The following FHOD3 variants were observed in gnomAD, a reference collection of about 807,000 sequenced individuals.
FHOD3 encodes formin homology 2 domain containing 3.
Under a neutral mutation model 173.0 loss-of-function variants are expected in FHOD3, and 90 were observed. The observed-to-expected ratio is 0.52, with a 90% CI of 0.44 to 0.62. The LOEUF (loss-of-function observed/expected upper bound fraction) is 0.62. Among genes scored for constraint, FHOD3 ranks in the 20% least tolerant of loss-of-function variants. The probability of loss-of-function intolerance (pLI) is 0.00; values close to 1 mark genes in which losing one functional copy is unlikely to be tolerated. For synonymous variants in FHOD3, 828 were observed against 823.0 expected (o/e 1.01, Z -0.10); for missense variants, 1,945 against 2,034.7 (o/e 0.96, Z 0.85).
chr18:36,776,749 AG>A (rs2043685753), intron 28 of FHOD3, among the ~76,000 whole-genome samples: 1 of 152,160 alleles, frequency 6.6e-6, no homozygotes, highest in Admixed American at 6.5e-5. Context: ...CAGAGGGTGA[AG>A]CAGCATCCCA....
intron 3 of FHOD3, among the ~76,000 whole-genome samples, chr18:36,486,823 C>T (rs142055155): frequency 0.019 from 2,860 of 152,322 alleles, 37 homozygotes; most frequent in Middle Eastern, 0.051. Flanking sequence ...CCGCTATTCC[C>T]AATCCAGGCA....
intron 5 of FHOD3, 86 bp from the exon 6 acceptor site, chr18:36,576,365 T>A: frequency 1.1e-6 from 1 of 908,408 alleles, no homozygotes; most frequent in East Asian, 2.8e-5. Flanking sequence ...ACTTAAAGTA[T>A]GAAAATCTTG....
intron 5 of FHOD3, among the ~76,000 whole-genome samples, chr18:36,546,024 A>G (rs2172946): frequency 0.77 from 116,806 of 152,214 alleles, 44,956 homozygotes; most frequent in Admixed American, 0.79. Flanking sequence ...AACAACCAGT[A>G]TGAAATCCTT....
In FHOD3 at chr18:36,717,856, ATGCAGG is replaced by A. The variant is rs573447742; in HGVS notation, c.2561_2566del (p.Ala854_Gly855del). 8.8e-4 allele frequency: 1,392 copies of A among 1,589,610 alleles called. 19 individuals are homozygous for A. In the South Asian group the frequency reaches 0.013, roughly 15 times the overall value. ...GGTTTGTGGCCCGCAGGTGTCCAGG[ATGCAGG>A]TGTAAATGGACAGTGTGGCGACATC... On this transcript the variant is annotated inframe_deletion, in exon 19 of 29. Transcript: ENST00000590592.
intron 5 of FHOD3, among the ~76,000 whole-genome samples, chr18:36,562,765 C>T (rs1438814026): frequency 6.6e-6 from 1 of 152,188 alleles, no homozygotes; most frequent in African/African-American, 2.4e-5. Context: ...TTTGGTTTAG[C>T]ATTGAGCAGT....
intron 3 of FHOD3, among the ~76,000 whole-genome samples, chr18:36,481,276 TG>T (rs1223247694): frequency 2.0e-5 from 3 of 152,096 alleles, no homozygotes; most frequent in African/African-American, 7.2e-5. Context: ...AATCTACTCT[TG>T]AAAGGCCTCC....
intron 8 of FHOD3, among the ~76,000 whole-genome samples, chr18:36,608,316 A>G (rs2032307573): frequency 6.6e-6 from 1 of 152,252 alleles, no homozygotes; most frequent in Non-Finnish European, 1.5e-5. Context: ...AGTGGGATAC[A>G]CAGGGTGAGG....
At chr18:36,536,532 A>G (rs753133966) in intron 5 of FHOD3, among the ~76,000 whole-genome samples, 4 of 152,224 alleles carry the variant, frequency 2.6e-5, no homozygotes, top group Admixed American at 2.6e-4. Context: ...TCCCCTCTGC[A>G]GGTTTTCTGC....
chr18:36,773,596 G>A (rs1035407974), intron 28 of FHOD3, among the ~76,000 whole-genome samples: 19 of 152,186 alleles, frequency 1.2e-4, no homozygotes, highest in African/African-American at 3.6e-4. Flanking sequence ...TTCCTGGGAC[G>A]GTTGTGGGGT....
intron 10 of FHOD3, among the ~76,000 whole-genome samples, chr18:36,626,788 A>C (rs2067410010): frequency 6.6e-6 from 1 of 152,210 alleles, no homozygotes; most frequent in Non-Finnish European, 1.5e-5. Flanking sequence ...GACCTTAAGA[A>C]AGAGTGATCA....
intron 24 of FHOD3, among the ~76,000 whole-genome samples, chr18:36,754,684 T>G (rs998818278): frequency 1.3e-5 from 2 of 152,058 alleles, no homozygotes; most frequent in African/African-American, 4.8e-5. Context: ...CATTTCTTTA[T>G]TCCTATTGAA....
intron 4 of FHOD3, among the ~76,000 whole-genome samples, chr18:36,503,495 A>T (rs937142305): frequency 2.6e-5 from 4 of 152,186 alleles, no homozygotes; most frequent in Non-Finnish European, 5.9e-5. Context: ...GTGTTCAATC[A>T]TACCACGGAG....
Position 36,666,551 on chromosome 18 carries a change from T to C in FHOD3, c.1835+8363T>C, listed in dbSNP as rs77140311. On this transcript the variant is annotated intron_variant, in intron 14 of 28. Transcript: ENST00000590592. ...ATTGCTCAGCATCATTTCAATGCCA[T>C]TTTATTATTATTTTTGACCTCTAAG... Among the ~76,000 whole-genome samples the C allele has an allele frequency of 3.1e-3, 465 of 152,310 alleles. 16 individuals are homozygous for C. In the East Asian group the frequency reaches 0.078, roughly 25 times the overall value.
chr18:36,437,037 C>A (rs1240385328), intron 3 of FHOD3, among the ~76,000 whole-genome samples: 1 of 152,166 alleles, frequency 6.6e-6, no homozygotes, highest in African/African-American at 2.4e-5. Flanking sequence ...AAAAGGTAAG[C>A]TAAGTTGTCC....
intron 5 of FHOD3, among the ~76,000 whole-genome samples, chr18:36,566,687 A>T (rs1480675991): frequency 1.3e-5 from 2 of 152,208 alleles, no homozygotes; most frequent in Non-Finnish European, 2.9e-5. Context: ...CAGGACCCGC[A>T]GTTGCTATTG....
chr18:36,749,902 G>A (rs1289677128), intron 24 of FHOD3, among the ~76,000 whole-genome samples: 1 of 150,676 alleles, frequency 6.6e-6, no homozygotes, highest in African/African-American at 2.4e-5. Flanking sequence ...GTATCTCATT[G>A]TGGTTTAGAT....
chr18:36,475,867 TG>T (rs2053547614), intron 3 of FHOD3, among the ~76,000 whole-genome samples: 1 of 152,034 alleles, frequency 6.6e-6, no homozygotes, highest in Non-Finnish European at 1.5e-5. Flanking sequence ...GCGAATGAAT[TG>T]CTTTTGTAAT....
At chr18:36,717,498 GCAGAGGCTCCTT>G (rs2040522948) in intron 18 of FHOD3, among the ~76,000 whole-genome samples, 1 of 152,080 alleles carries the variant, frequency 6.6e-6, no homozygotes, top group Admixed American at 6.5e-5. Flanking sequence ...TCAAGTTAGG[GCAGAGGCTCCTT>G]AGTTACCTGT....
intron 9 of FHOD3, among the ~76,000 whole-genome samples, chr18:36,617,354 A>T (rs2033290092): frequency 1.3e-5 from 2 of 152,140 alleles, no homozygotes; most frequent in South Asian, 4.1e-4. Context: ...GTCTGTTTTC[A>T]AGCTTTTTAT....
Sources: gnomAD v4.1 joint callset for allele counts (sites outside exome capture counted in the v4.1 genomes callset) on GRCh38, gnomAD v4.1.1 for gene constraint, MANE v1.5 for transcripts, NCBI Gene and HGNC (gene_info 2026-07-23, HGNC 2026-07-21) for gene names.